Variants in GAS2L2 observed in about 807,000 individuals in gnomAD.
GAS2L2 encodes growth arrest specific 2 like 2.
Under a neutral mutation model 35.2 loss-of-function variants are expected in GAS2L2, and 21 were observed. The ratio of observed to expected loss-of-function variants is 0.60; its 90% CI spans 0.42 to 0.86. GAS2L2 has a LOEUF of 0.86. Ranked by LOEUF, GAS2L2 falls within the 40% of genes least tolerant of loss-of-function variation. The probability of loss-of-function intolerance (pLI) is 0.00; values close to 1 mark genes in which losing one functional copy is unlikely to be tolerated. For synonymous variants in GAS2L2, 490 were observed against 473.2 expected, an observed-to-expected ratio of 1.04 and a Z score of -0.46; for missense variants, 1,169 against 1,144.4, an observed-to-expected ratio of 1.02 and a Z score of -0.31.
chr17:35,748,621 C>A (rs919677104), intron 3 of GAS2L2, among the ~76,000 whole-genome samples: 1 of 152,218 alleles, frequency 6.6e-6, no homozygotes, highest in Non-Finnish European at 1.5e-5. Flanking sequence ...TGAATGTACC[C>A]CCAGGCAAGT....
intron 1 of GAS2L2, among the ~76,000 whole-genome samples, chr17:35,751,196 G>T (rs1227177420): frequency 6.6e-6 from 1 of 152,056 alleles, no homozygotes; most frequent in Non-Finnish European, 1.5e-5. Context: ...CCAGCATGAT[G>T]GAGCCCCTCC....
intron 1 of GAS2L2, 139 bp downstream of exon 1, chr17:35,752,327 G>GA (rs1437171933): frequency 8.0e-6 from 6 of 748,088 alleles, no homozygotes; most frequent in South Asian, 2.3e-5. Context: ...ACTGAGGCAT[G>GA]AAAAAAGAGC....
At position 35,752,872 on chromosome 17, in the gene GAS2L2, G is replaced by A. The variant is rs781995463; in HGVS notation, c.-22C>T. On this transcript the variant is annotated 5_prime_UTR_variant, in exon 1 of 6. Transcript: ENST00000604641. ...ACATGGCTGGACCCCAGCAGGGCAG[G>A]AGGTGGGCACCTCCCCTCTCCCACT... 3 of 1,568,248 alleles carry A rather than the reference G, an allele frequency of 1.9e-6. No homozygotes were observed. Among genetic ancestry groups the A allele is most frequent in the Admixed American group, 3.5e-5 (2 of 57,486 alleles).
At chr17:35,746,534 T>C in intron 5 of GAS2L2, 123 bp from the exon 6 acceptor site, 3 of 541,628 alleles carry the variant, frequency 5.5e-6, no homozygotes, top group East Asian at 3.3e-5. Flanking sequence ...GAGGCTAGAC[T>C]TCACGCTGAA....
At chr17:35,750,425 G>T in intron 1 of GAS2L2, 107 bp from the exon 2 acceptor site, 1 of 1,446,480 alleles carries the variant, frequency 6.9e-7, no homozygotes, top group Non-Finnish European at 9.5e-7. Flanking sequence ...GTCATCCCCG[G>T]TCTGGGGCAG....
Position 35,745,014 on chromosome 17 carries a change from G to T in GAS2L2, c.2483C>A (p.Ser828Tyr), listed in dbSNP as rs1555598606. ...AVLGSKGGEA[S>Y]RVDGASVGEE... ...ACCTACTGAAGCTCCATCCACCCGG[G>T]ATGCCTCCCCTCCCTTGCTGCCCAG... The change falls in exon 6 of 6, where the codon TCC becomes TAC. Residue 828 changes from serine to tyrosine, a missense_variant. By Grantham distance (144) the Ser-to-Tyr change is moderately radical. Around this residue, in one of 3 missense-constraint regions of GAS2L2, gnomAD observed 1,035 missense variants for 976.5 expected, o/e 1.06. Coordinates refer to ENST00000604641, the MANE Select transcript of GAS2L2 (RefSeq NM_139285.4). The T allele has an allele frequency of 1.2e-6, 2 of 1,614,046 alleles. No individual in the cohort carries two copies. The highest frequency in any genetic ancestry group is 1.7e-6 in the Non-Finnish European group (2 of 1,180,022).
In GAS2L2 at chr17:35,745,566, C is replaced by T; in HGVS notation, c.1931G>A (p.Trp644Ter). 6.2e-7 allele frequency: 1 copy of T among 1,613,722 alleles called. No individual in the cohort carries two copies. The highest frequency in any genetic ancestry group is 8.5e-7 in the Non-Finnish European group (1 of 1,179,968). The change falls in exon 6 of 6, where the codon TGG (tryptophan) becomes TAG (stop). Residue 644 changes from tryptophan to a stop codon, truncating the protein, a stop_gained. Coordinates refer to ENST00000604641, the MANE Select transcript of GAS2L2 (RefSeq NM_139285.4). LOFTEE classifies it low-confidence loss of function (END_TRUNC). ...GTCATAAGGACCCCCAGGCTCAGGC[C>T]ACTGCCCAGCCAGCCTGGGGATGTA... is the stretch of plus-strand genomic sequence containing the variant. ...GVYIPRLAGQ[W>*]PEPGGPYDKA...
At position 35,745,317 on chromosome 17, in the gene GAS2L2, C is replaced by G. The variant is rs1459158102; in HGVS notation, c.2180G>C (p.Cys727Ser). Residue 727 changes from cysteine (C) to serine (S), a missense_variant, in exon 6 of 6, where the codon TGC (cysteine) becomes TCC (serine). By Grantham distance (112) the Cys-to-Ser change is moderately radical. Coordinates refer to ENST00000604641, the MANE Select transcript of GAS2L2 (RefSeq NM_139285.4). ...GCTGGCAGACACAGTAGAAGCCGAG[C>G]AGTCCTGCCCTCCCTGAGGTGGGAC... ...RKVPPQGGQD[C>S]SASTVSASPE... The G allele has an allele frequency of 6.2e-7, 1 of 1,610,874 alleles. No individual in the cohort carries two copies. Among genetic ancestry groups the G allele is most frequent in the Non-Finnish European group, 8.5e-7 (1 of 1,178,012 alleles).
At position 35,746,338 on chromosome 17, in the gene GAS2L2, A is replaced by T; in HGVS notation, c.1159T>A (p.Ser387Thr). ...AGDSPPSPQSSSTQKGRDPQC... is the reference protein window; with the variant it reads ...AGDSPPSPQSTSTQKGRDPQC... ...GGGTCTCGGCCTTTTTGGGTAGATG[A>T]GGACTGGGGGCTGGGTGGGCTGTCC... The change falls in exon 6 of 6, where the codon TCA becomes ACA. Residue 387 changes from serine (S) to threonine (T), a missense_variant. This residue lies in a region of GAS2L2 where 1,035 missense variants were observed against 976.5 expected (regional missense o/e 1.06). Transcript: ENST00000604641. 7.2e-7 allele frequency: 1 copy of T among 1,381,916 alleles called. No individual in the cohort carries two copies. Among genetic ancestry groups the T allele is most frequent in the Non-Finnish European group, 9.4e-7 (1 of 1,061,674 alleles). 85.6% of individuals were successfully genotyped at this position (1,381,916 alleles called of 1,614,324 possible). A position where few individuals can be genotyped will look rare whatever the true frequency, so the allele number is the denominator to read the frequency against.
Position 35,745,776 on chromosome 17 carries a change from T to C in GAS2L2, c.1721A>G (p.Glu574Gly), listed in dbSNP as rs2085662227. ...CTCCTGTAGGCCCAGGTCCCAGGAC[T>C]CTCTGGCCTCTGCCATGACCTGGAT... The part of the protein sequence containing the change: ...LDIQVMAEAR[E>G]SWDLGLQEQE... Residue 574 changes from glutamate to glycine, a missense_variant, in exon 6 of 6, where the codon GAG becomes GGG. Glu to Gly is a moderately conservative substitution (Grantham distance 98). Transcript: ENST00000604641. 28 of 1,613,788 alleles carry C rather than the reference T, an allele frequency of 1.7e-5. No homozygotes were observed. The highest frequency in any genetic ancestry group is 2.4e-5 in the Non-Finnish European group (28 of 1,180,028).
chr17:35,748,670 G>A (rs587632297), intron 3 of GAS2L2, among the ~76,000 whole-genome samples: 40 of 152,360 alleles, frequency 2.6e-4, no homozygotes, highest in South Asian at 8.3e-4. Flanking sequence ...GGCTGGGGCC[G>A]TGCACTGAAA....
intron 3 of GAS2L2, among the ~76,000 whole-genome samples, chr17:35,748,391 G>C (rs1452290465): frequency 6.6e-6 from 1 of 152,230 alleles, no homozygotes; most frequent in Non-Finnish European, 1.5e-5. Context: ...TGGGGCCACA[G>C]GTTCTTGCCC....
chr17:35,748,508 G>T (rs372575431), intron 3 of GAS2L2, among the ~76,000 whole-genome samples: 20 of 152,242 alleles, frequency 1.3e-4, no homozygotes, highest in Admixed American at 6.5e-5. Flanking sequence ...GCCATGCCCC[G>T]AGCTGCTGGC....
rs1555598994 is a variant in GAS2L2, at chr17:35,746,335, A to T, written c.1162T>A (p.Ser388Thr). 7.2e-7 allele frequency: 1 copy of T among 1,391,144 alleles called. No individual in the cohort carries two copies. Among genetic ancestry groups the T allele is most frequent in the Non-Finnish European group, 9.4e-7 (1 of 1,067,082 alleles). The allele number at this position is 1,391,144 out of a possible 1,614,324, so 86.2% of individuals were successfully genotyped here. Residue 388 changes from serine to threonine, a missense_variant, in exon 6 of 6, where the codon TCT (serine) becomes ACT (threonine). By Grantham distance (58) the Ser-to-Thr change is moderately conservative. Transcript: ENST00000604641. ...GDSPPSPQSSSTQKGRDPQCT... is the reference protein window; with the variant it reads ...GDSPPSPQSSTTQKGRDPQCT... ...TGTGGGTCTCGGCCTTTTTGGGTAG[A>T]TGAGGACTGGGGGCTGGGTGGGCTG...
At position 35,752,972 on chromosome 17, in the gene GAS2L2, G is replaced by A. The variant is rs2143023793; in HGVS notation, c.-122C>T. On this transcript the variant is annotated 5_prime_UTR_variant, in exon 1 of 6. Transcript: ENST00000604641. Reference sequence around the variant, plus strand: ...ATTCTGAGGTTCCCGTGTACTCGCTGAGAGCCCGGGACCTCCAGTGCTGCT... The same window carrying A: ...ATTCTGAGGTTCCCGTGTACTCGCTAAGAGCCCGGGACCTCCAGTGCTGCT... 2 of 1,091,760 alleles carry A rather than the reference G, an allele frequency of 1.8e-6. No individual in the cohort carries two copies. Among genetic ancestry groups the A allele is most frequent in the Middle Eastern group, 3.1e-4 (1 of 3,234 alleles). 67.6% of individuals were successfully genotyped at this position (1,091,760 alleles called of 1,614,324 possible). A position where few individuals can be genotyped will look rare whatever the true frequency, so the allele number is the denominator to read the frequency against.
At chr17:35,748,520 G>A (rs782501061) in intron 3 of GAS2L2, among the ~76,000 whole-genome samples, 37 of 152,364 alleles carry the variant, frequency 2.4e-4, no homozygotes, top group Middle Eastern at 6.8e-3. Context: ...GCTGCTGGCC[G>A]CTCATGTGGG....
intron 4 of GAS2L2, 135 bp from the exon 5 acceptor site, chr17:35,747,403 G>A (rs587720420): frequency 3.5e-5 from 37 of 1,054,516 alleles, no homozygotes; most frequent in South Asian, 1.9e-4. Context: ...TGGCAACACC[G>A]GAGTTTCTTT....
chr17:35,746,386 A>G lies in GAS2L2; in HGVS notation c.1111T>C (p.Ser371Pro), dbSNP rs372670402. The G allele has an allele frequency of 1.0e-4, 138 of 1,346,516 alleles. 2 individuals are homozygous for G. In the South Asian group the frequency reaches 1.6e-3, roughly 16 times the overall value. The allele number at this position is 1,346,516 out of a possible 1,614,324, so 83.4% of individuals were successfully genotyped here. A position where few individuals can be genotyped will look rare whatever the true frequency, so the allele number is the denominator to read the frequency against. The part of the protein sequence containing the change: ...LRCQERSLIP[S>P]WRQPTAGDSP... ...TCCCCAGCTGTCGGCTGCCTCCAAG[A>G]TGGGATGAGAGACCTCTCCTGGCAC... The change falls in exon 6 of 6, where the codon TCT becomes CCT. Residue 371 changes from serine (S) to proline (P), a missense_variant. Physicochemically the swap from Ser to Pro is moderately conservative, Grantham distance 74. Transcript: ENST00000604641.
rs1254152860 is a variant in GAS2L2, at chr17:35,749,090, GACCCCCAGCCTGGACTT to G, written c.735+3_735+19del. ...AGAAACCCTATTCTGGGGGTCCCTT[GACCCCCAGCCTGGACTT>G]ACCCGGATGAAGATGAGGGTGTTGG... On this transcript the variant is annotated splice_donor_5th_base_variant and intron_variant, in intron 3 of 5. Transcript: ENST00000604641. 1 of 1,540,196 alleles carries G rather than the reference GACCCCCAGCCTGGACTT, an allele frequency of 6.5e-7. No homozygotes were observed. Among genetic ancestry groups the G allele is most frequent in the Non-Finnish European group, 9.0e-7 (1 of 1,114,694 alleles).
Sources: allele counts gnomAD v4.1 joint callset (sites outside exome capture counted in the v4.1 genomes callset), GRCh38; gene constraint gnomAD v4.1.1; regional missense constraint gnomAD v4.1.1; transcripts MANE v1.5; gene names NCBI Gene and HGNC (gene_info 2026-07-23, HGNC 2026-07-21).